HOOK1: variants seen among roughly 807,000 people sequenced by gnomAD.
HOOK1 encodes the protein protein Hook homolog 1.
In HOOK1, 60 loss-of-function variants were observed where a neutral mutation model predicts 112.8. The ratio of observed to expected loss-of-function variants is 0.53; its 90% CI spans 0.43 to 0.66. HOOK1 has a LOEUF of 0.66. Ranked by LOEUF, HOOK1 falls within the 30% of genes least tolerant of loss-of-function variation. The probability of loss-of-function intolerance (pLI) is 0.00; values close to 1 mark genes in which losing one functional copy is unlikely to be tolerated. For synonymous variants in HOOK1, 294 were observed against 283.8 expected (o/e 1.04, Z -0.36); for missense variants, 770 against 856.0 (o/e 0.90, Z 1.25).
chr1:59,855,213 C>T (rs1035220451), intron 12 of HOOK1, among the ~76,000 whole-genome samples: 2 of 152,166 alleles, frequency 1.3e-5, no homozygotes, highest in Admixed American at 6.6e-5. Context: ...GGGGATTCAT[C>T]GTAAAGATTG....
chr1:59,835,279 T>C (rs768964025), intron 5 of HOOK1, 66 bp from the exon 6 acceptor site: 25 of 852,602 alleles, frequency 2.9e-5, no homozygotes, highest in Non-Finnish European at 4.6e-5. Context: ...AGTCTATTAA[T>C]TTGATGGCTA....
intron 2 of HOOK1, among the ~76,000 whole-genome samples, chr1:59,824,172 T>C (rs1451116189): frequency 6.6e-6 from 1 of 152,162 alleles, no homozygotes; most frequent in Non-Finnish European, 1.5e-5. Flanking sequence ...TTTTACCATA[T>C]GTCTTTGAAC....
At chr1:59,823,609 G>C (rs2098387558) in intron 2 of HOOK1, among the ~76,000 whole-genome samples, 1 of 152,110 alleles carries the variant, frequency 6.6e-6, no homozygotes, top group Admixed American at 6.5e-5. Flanking sequence ...ATATGTTTTG[G>C]TGGGCTTTGG....
chr1:59,832,501 T>G (rs573662352), intron 4 of HOOK1, among the ~76,000 whole-genome samples: 2 of 152,288 alleles, frequency 1.3e-5, no homozygotes, highest in Admixed American at 1.3e-4. Context: ...TAAAGTAGAC[T>G]TTATAATTAA....
intron 5 of HOOK1, 72 bp from the exon 6 acceptor site, chr1:59,835,273 T>C: frequency 1.2e-6 from 1 of 814,524 alleles, no homozygotes; most frequent in Non-Finnish European, 2.1e-6. Flanking sequence ...TTTTATAGTC[T>C]ATTAATTTGA....
At chr1:59,845,320 G>A (rs894023286) in intron 9 of HOOK1, among the ~76,000 whole-genome samples, 3 of 151,960 alleles carry the variant, frequency 2.0e-5, no homozygotes, top group African/African-American at 4.8e-5. Flanking sequence ...AATTTTAGAG[G>A]AACACAGACT....
chr1:59,857,788 C>T (rs1239903926), intron 12 of HOOK1, among the ~76,000 whole-genome samples: 2 of 152,154 alleles, frequency 1.3e-5, no homozygotes, highest in East Asian at 3.8e-4. Context: ...AGAAGTTTGT[C>T]ATTGGTGTAG....
chr1:59,843,952 G>A (rs1256816126), intron 9 of HOOK1, among the ~76,000 whole-genome samples: 1 of 151,924 alleles, frequency 6.6e-6, no homozygotes, highest in Non-Finnish European at 1.5e-5. Flanking sequence ...AATGTAAATC[G>A]TAAGCCAAGT....
intron 17 of HOOK1, 144 bp from the exon 18 acceptor site, chr1:59,865,019 T>C (rs1225330647): frequency 4.8e-6 from 3 of 618,818 alleles, no homozygotes; most frequent in Non-Finnish European, 8.8e-6. Context: ...GCCTGACTGT[T>C]TACATCCTCA....
intron 12 of HOOK1, among the ~76,000 whole-genome samples, chr1:59,854,774 C>A (rs1463453752): frequency 6.6e-6 from 1 of 151,840 alleles, no homozygotes; most frequent in African/African-American, 2.4e-5. Context: ...TGTGTGGATC[C>A]TTTTTAGTTT....
chr1:59,859,545 T>G (rs979983385), intron 14 of HOOK1, among the ~76,000 whole-genome samples: 4 of 151,936 alleles, frequency 2.6e-5, no homozygotes, highest in African/African-American at 9.7e-5. Context: ...GAACAAAAAT[T>G]GAGATTACTT....
chr1:59,850,414 T>C (rs1456813604), intron 12 of HOOK1, among the ~76,000 whole-genome samples: 1 of 151,438 alleles, frequency 6.6e-6, no homozygotes, highest in Non-Finnish European at 1.5e-5. Flanking sequence ...TGCTTGTCTT[T>C]TTTTGGTGAT....
At chr1:59,825,784 A>G (rs566287774) in intron 2 of HOOK1, among the ~76,000 whole-genome samples, 2 of 152,334 alleles carry the variant, frequency 1.3e-5, no homozygotes, top group East Asian at 3.9e-4. Flanking sequence ...TTGCAGTATT[A>G]ATAAAATGAA....
chr1:59,842,145 T>C (rs1343933976), intron 8 of HOOK1, among the ~76,000 whole-genome samples: 1 of 152,046 alleles, frequency 6.6e-6, no homozygotes, highest in African/African-American at 2.4e-5. Flanking sequence ...TTTTGATGCC[T>C]GAGGGTGTTG....
chr1:59,839,203 A>C (rs2098399621), intron 7 of HOOK1, among the ~76,000 whole-genome samples: 2 of 152,152 alleles, frequency 1.3e-5, no homozygotes, highest in South Asian at 4.1e-4. Flanking sequence ...TTCCATATGA[A>C]GATTAAAGTA....
At chr1:59,819,486 G>A (rs1310729578) in intron 1 of HOOK1, among the ~76,000 whole-genome samples, 1 of 152,080 alleles carries the variant, frequency 6.6e-6, no homozygotes, top group Admixed American at 6.5e-5. Context: ...ACTCTTCTTG[G>A]TTGTAAGCCT....
At position 59,871,243 on chromosome 1, in the gene HOOK1, T is replaced by C. The variant is rs144415926; in HGVS notation, c.2016+133T>C. On this transcript the variant is annotated intron_variant, in intron 21 of 21. Transcript: ENST00000371208. ...GACATAGCATGTTTATGTATATGAC[T>C]GAAACAAAAGTTACCCTGTGTATTG... is the stretch of plus-strand genomic sequence containing the variant. 63 of 584,278 alleles carry C rather than the reference T, an allele frequency of 1.1e-4. No individual in the cohort carries two copies. The African/African-American group carries it at 1.1e-3, about 10-fold the overall frequency. The allele number at this position is 584,278 out of a possible 1,614,324, so 36.2% of individuals were successfully genotyped here.
rs768136356 is a variant in HOOK1 at position 59,833,409 on chromosome 1, T to G, written c.278T>G (p.Leu93Trp). The G allele has an allele frequency of 5.3e-6, 8 of 1,505,132 alleles. No individual in the cohort carries two copies. The highest frequency in any genetic ancestry group is 5.4e-6 in the Non-Finnish European group (6 of 1,116,984). 93.2% of individuals were successfully genotyped at this position (1,505,132 alleles called of 1,614,324 possible). A position where few individuals can be genotyped will look rare whatever the true frequency, so the allele number is the denominator to read the frequency against. The change falls in exon 5 of 22, where the codon TTG (leucine) becomes TGG (tryptophan). Residue 93 changes from leucine (L) to tryptophan (W), a missense_variant. Physicochemically the swap from Leu to Trp is moderately conservative, Grantham distance 61 (BLOSUM62 -2). Around this residue, in one of 3 missense-constraint regions of HOOK1, gnomAD observed 655 missense variants for 725.9 expected, o/e 0.90. Coordinates refer to ENST00000371208, the MANE Select transcript of HOOK1 (RefSeq NM_015888.6). ...TAATTTATTTTAATATTGTAGTTTT[T>G]GGGGCAGCAGATTTCAGAAGCACTT... ...QGIMSYYHEFLGQQISEALIP... is the reference protein window; with the variant it reads ...QGIMSYYHEFWGQQISEALIP...
rs2098391670 is a variant in HOOK1 at position 59,828,665 on chromosome 1, A to G, written c.150-115A>G. 1.1e-5 allele frequency: 8 copies of G among 722,034 alleles called. 1 individual carries two copies. The South Asian group carries it at 1.6e-4, about 15-fold the overall frequency. 44.7% of individuals were successfully genotyped at this position (722,034 alleles called of 1,614,324 possible). On this transcript the variant is annotated intron_variant, in intron 2 of 21. Coordinates refer to ENST00000371208, the MANE Select transcript of HOOK1 (RefSeq NM_015888.6). ...TATTGCTATATAAGTAATATTCAGT[A>G]TTGTTATTAAGGATAGGCTTTAAGA...
Sources: allele counts gnomAD v4.1 joint callset (sites outside exome capture counted in the v4.1 genomes callset), GRCh38; gene constraint gnomAD v4.1.1; regional missense constraint gnomAD v4.1.1; transcripts MANE v1.5; gene names NCBI Gene and HGNC (gene_info 2026-07-23, HGNC 2026-07-21).